The following NRXN1 variants were observed in gnomAD, a reference collection of about 807,000 sequenced individuals.
NRXN1 encodes the protein neurexin 1.
NRXN1 carries 39 observed loss-of-function variants against 150.9 expected under a neutral mutation model. That is an observed-to-expected ratio of 0.26 (90% CI 0.20 to 0.34). The LOEUF is 0.34. Among genes scored for constraint, NRXN1 ranks in the 10% least tolerant of loss-of-function variants. The probability of loss-of-function intolerance (pLI) is 1.00; values close to 1 mark genes in which losing one functional copy is unlikely to be tolerated. For synonymous variants in NRXN1, 924 were observed against 757.0 expected (o/e 1.22, Z -3.62); for missense variants, 1,815 against 1,949.9 (o/e 0.93, Z 1.30).
intron 18 of NRXN1, among the ~76,000 whole-genome samples, chr2:50,172,632 T>G (rs775745528): frequency 6.6e-5 from 10 of 152,190 alleles, no homozygotes; most frequent in Non-Finnish European, 1.5e-4. Context: ...ACTCAATTTT[T>G]CTGTAACTCA....
In NRXN1 at chr2:50,538,425, C is replaced by A. The variant is rs1013822034; in HGVS notation, c.1971G>T (p.Arg657=). The change falls in exon 10 of 23, where the codon CGG becomes CGT. Residue 657 remains arginine (R), a synonymous_variant. Transcript: ENST00000401669. The part of the protein sequence containing the change: ...LFIDGQSKDI[R]QMAEVQSTAG... ...CAGTACTTTGAACTTCAGCCATTTGCCGGATATCTTTGCTTTGGCCATCGA... is the reference window on the plus strand; with the variant it reads ...CAGTACTTTGAACTTCAGCCATTTGACGGATATCTTTGCTTTGGCCATCGA... 4 of 1,613,972 alleles carry A rather than the reference C, an allele frequency of 2.5e-6. No homozygotes were observed. Among genetic ancestry groups the A allele is most frequent in the Non-Finnish European group, 3.4e-6 (4 of 1,179,872 alleles).
At chr2:50,156,780 C>T in intron 18 of NRXN1, among the ~76,000 whole-genome samples, 1 of 151,828 alleles carries the variant, frequency 6.6e-6, no homozygotes, top group South Asian at 2.1e-4. Flanking sequence ...CCTTTCAAGT[C>T]AGTTGCAAGT....
At chr2:50,876,478 T>C (rs568410035) in intron 5 of NRXN1, among the ~76,000 whole-genome samples, 5 of 151,996 alleles carry the variant, frequency 3.3e-5, no homozygotes, top group African/African-American at 1.2e-4. Context: ...TACTACACAC[T>C]AGGAAAGCGA....
At chr2:50,165,904 T>C (rs1460959247) in intron 18 of NRXN1, among the ~76,000 whole-genome samples, 1 of 152,210 alleles carries the variant, frequency 6.6e-6, no homozygotes, top group Non-Finnish European at 1.5e-5. Flanking sequence ...CTTGTACTAC[T>C]TTATGTCTTG....
chr2:50,700,798 A>T (rs1209444112), intron 5 of NRXN1, among the ~76,000 whole-genome samples: 1 of 147,638 alleles, frequency 6.8e-6, no homozygotes, highest in African/African-American at 2.6e-5. Context: ...AAGAGCTGGG[A>T]TCAAGATTTT....
intron 17 of NRXN1, among the ~76,000 whole-genome samples, chr2:50,257,554 T>G (rs1159694): frequency 6.8e-4 from 103 of 152,174 alleles, no homozygotes; most frequent in Admixed American, 4.0e-3. Flanking sequence ...GTCATCTATT[T>G]GAAATGTAAT....
chr2:50,307,334 A>T (rs999419180), intron 17 of NRXN1, among the ~76,000 whole-genome samples: 4 of 152,160 alleles, frequency 2.6e-5, no homozygotes, highest in Non-Finnish European at 4.4e-5. Flanking sequence ...TTGAAAGCTT[A>T]GAGACATGTC....
At chr2:50,267,891 A>T (rs958838743) in intron 17 of NRXN1, among the ~76,000 whole-genome samples, 4 of 152,118 alleles carry the variant, frequency 2.6e-5, no homozygotes, top group African/African-American at 9.6e-5. Context: ...ATTAAAAAAA[A>T]AAATCTGTGA....
chr2:50,370,965 G>A (rs1435962897), intron 17 of NRXN1, among the ~76,000 whole-genome samples: 2 of 151,922 alleles, frequency 1.3e-5, no homozygotes, highest in East Asian at 3.9e-4. Context: ...CTTAGTATCT[G>A]AGATACTAAG....
intron 17 of NRXN1, among the ~76,000 whole-genome samples, chr2:50,429,795 A>G (rs1410256383): frequency 6.6e-6 from 1 of 152,144 alleles, no homozygotes; most frequent in East Asian, 1.9e-4. Flanking sequence ...TGCCCCATCA[A>G]TAGAACTTCT....
At chr2:50,172,263 C>T (rs879143903) in intron 18 of NRXN1, among the ~76,000 whole-genome samples, 3 of 152,014 alleles carry the variant, frequency 2.0e-5, no homozygotes, top group African/African-American at 7.2e-5. Flanking sequence ...ACTATTTTAG[C>T]CTGTACCCTA....
chr2:50,217,262 G>A (rs1002323784), intron 18 of NRXN1, among the ~76,000 whole-genome samples: 4 of 151,924 alleles, frequency 2.6e-5, no homozygotes, highest in African/African-American at 9.7e-5. Flanking sequence ...GAATAACAAA[G>A]ACTATTTAAA....
At chr2:50,154,225 C>A (rs980089292) in intron 18 of NRXN1, among the ~76,000 whole-genome samples, 2 of 151,320 alleles carry the variant, frequency 1.3e-5, no homozygotes, top group African/African-American at 4.9e-5. Flanking sequence ...AGATAAAGAT[C>A]TGAATAAAAA....
At chr2:50,225,020 T>C (rs1024326026) in intron 18 of NRXN1, among the ~76,000 whole-genome samples, 2 of 151,938 alleles carry the variant, frequency 1.3e-5, no homozygotes, top group Admixed American at 6.6e-5. Context: ...AAAAGAAAAG[T>C]CTTCCTTTCA....
chr2:50,052,001 C>T (rs1466595655), intron 21 of NRXN1, among the ~76,000 whole-genome samples: 1 of 151,912 alleles, frequency 6.6e-6, no homozygotes, highest in African/African-American at 2.4e-5. Flanking sequence ...TATTTTTTGC[C>T]CATCCCTCTT....
chr2:50,323,122 G>C (rs1165041687), intron 17 of NRXN1, among the ~76,000 whole-genome samples: 9 of 152,148 alleles, frequency 5.9e-5, no homozygotes, highest in African/African-American at 2.2e-4. Context: ...ACAAATCCCT[G>C]AGGGGTCAAC....
intron 17 of NRXN1, among the ~76,000 whole-genome samples, chr2:50,304,431 A>G (rs1489298758): frequency 6.6e-6 from 1 of 152,242 alleles, no homozygotes; most frequent in Non-Finnish European, 1.5e-5. Context: ...AAAAACTTGT[A>G]GTGGTAGCAA....
chr2:50,836,757 C>T (rs1175273127), intron 5 of NRXN1, among the ~76,000 whole-genome samples: 4 of 150,694 alleles, frequency 2.7e-5, no homozygotes, highest in Non-Finnish European at 5.9e-5. Flanking sequence ...TAATCTTGAC[C>T]TAAGTTACAA....
intron 5 of NRXN1, among the ~76,000 whole-genome samples, chr2:50,683,139 A>G (rs535526032): frequency 6.6e-6 from 1 of 152,154 alleles, no homozygotes; most frequent in Non-Finnish European, 1.5e-5. Context: ...AGAGCAGACT[A>G]CTAATATATT....
Sources: allele counts gnomAD v4.1 joint callset (sites outside exome capture counted in the v4.1 genomes callset), GRCh38; gene constraint gnomAD v4.1.1; transcripts MANE v1.5; gene names NCBI Gene and HGNC (gene_info 2026-07-23, HGNC 2026-07-21).